ARHGEF10: variants seen among roughly 807,000 people sequenced by gnomAD.
ARHGEF10 encodes Rho guanine nucleotide exchange factor (GEF) 10.
Under a neutral mutation model 147.4 loss-of-function variants are expected in ARHGEF10, and 140 were observed. The ratio of observed to expected loss-of-function variants is 0.95; its 90% CI spans 0.83 to 1.09. ARHGEF10 has a LOEUF of 1.09. Ranked by LOEUF, ARHGEF10 falls within the 50% of genes least tolerant of loss-of-function variation. The pLI is 0.00. For missense variants in ARHGEF10, 2,222 were observed against 1,752.7 expected (o/e 1.27, Z -4.78); for synonymous variants, 902 against 695.8 (o/e 1.30, Z -4.67).
At chr8:1,883,278 A>G (rs1025337450) in intron 10 of ARHGEF10, among the ~76,000 whole-genome samples, 6 of 152,060 alleles carry the variant, frequency 3.9e-5, no homozygotes, top group Admixed American at 1.3e-4. Flanking sequence ...GGCGGCAACA[A>G]GCAGCAGGCT....
intron 3 of ARHGEF10, among the ~76,000 whole-genome samples, chr8:1,859,539 GTTTC>G (rs1262579474): frequency 2.6e-5 from 4 of 152,114 alleles, no homozygotes; most frequent in Non-Finnish European, 4.4e-5. Flanking sequence ...TTTGCATGGC[GTTTC>G]TTTGTGCACA....
In ARHGEF10 at chr8:1,839,916, GT is replaced by G. The variant is rs544405766; in HGVS notation, c.-47-3436del. Among the ~76,000 whole-genome samples the G allele has an allele frequency of 1.6e-3, 245 of 149,650 alleles. 4 individuals are homozygous for G. Among genetic ancestry groups the G allele is most frequent in the African/African-American group, 5.9e-3 (235 of 40,098 alleles). On this transcript the variant is annotated intron_variant, in intron 1 of 28. Coordinates refer to ENST00000349830, the MANE Select transcript of ARHGEF10 (RefSeq NM_014629.4). ...GTGGGGACTGTCCGGTGTGGGGACT[GT>G]CCGGTGTGGGGACTGTCTGGTGTGG...
At chr8:1,899,196 G>A (rs1331896151) in intron 15 of ARHGEF10, among the ~76,000 whole-genome samples, 2 of 152,170 alleles carry the variant, frequency 1.3e-5, no homozygotes, top group Non-Finnish European at 2.9e-5. Context: ...GTGGTTGCCC[G>A]CTCGTTTTCC....
At chr8:1,890,132 AGTGGGGTGAGGGTTTGTGAGGAGACACT>A (rs1313865930) in intron 11 of ARHGEF10, among the ~76,000 whole-genome samples, 4 of 23,794 alleles carry the variant, frequency 1.7e-4, no homozygotes, top group African/African-American at 5.0e-4. Flanking sequence ...GAGAAAACGG[AGTGGGGTGAGGGTTTGTGAGGAGACACT>A]GAGTGGGGTG....
intron 11 of ARHGEF10, among the ~76,000 whole-genome samples, chr8:1,885,929 C>T (rs1808621800): frequency 6.6e-6 from 1 of 152,070 alleles, no homozygotes; most frequent in African/African-American, 2.4e-5. Flanking sequence ...GGACTCAGGC[C>T]CTTCTGGTCC....
intron 14 of ARHGEF10, among the ~76,000 whole-genome samples, chr8:1,896,911 C>T (rs1810022858): frequency 6.6e-6 from 1 of 152,206 alleles, no homozygotes; most frequent in Non-Finnish European, 1.5e-5. Context: ...GATGGCCTTC[C>T]TCAGGGGTCT....
chr8:1,880,425 T>C (rs1808089075), intron 9 of ARHGEF10, among the ~76,000 whole-genome samples: 1 of 152,258 alleles, frequency 6.6e-6, no homozygotes, highest in African/African-American at 2.4e-5. Flanking sequence ...CATCTGGCTG[T>C]CTACTAGAGA....
chr8:1,892,899 C>T (rs1045766853), intron 11 of ARHGEF10, among the ~76,000 whole-genome samples: 3 of 152,092 alleles, frequency 2.0e-5, no homozygotes, highest in Non-Finnish European at 2.9e-5. Context: ...AGGCCTTTCA[C>T]GGGATCTTAC....
chr8:1,943,848 A>C (rs1814305532), intron 26 of ARHGEF10: 1 of 135,468 alleles, frequency 7.4e-6, no homozygotes, highest in South Asian at 2.7e-4. Flanking sequence ...TTTTATGAGG[A>C]AACTACGGGC....
intron 15 of ARHGEF10, among the ~76,000 whole-genome samples, chr8:1,899,940 C>T (rs950433706): frequency 1.3e-4 from 20 of 152,116 alleles, no homozygotes; most frequent in African/African-American, 3.4e-4. Context: ...ACCATACGGG[C>T]GGGTGAACCA....
intron 6 of ARHGEF10, 43 bp downstream of exon 6, chr8:1,866,645 C>A: frequency 6.3e-7 from 1 of 1,574,808 alleles, no homozygotes; most frequent in Non-Finnish European, 8.6e-7. Context: ...TCACCACGCT[C>A]CACAGACGTC....
intron 7 of ARHGEF10, chr8:1,869,892 T>G (rs1178718803): frequency 1.2e-5 from 2 of 160,242 alleles, no homozygotes; most frequent in Non-Finnish European, 2.8e-5. Context: ...TCCAGCAAAG[T>G]ACAGTCCTTT....
At chr8:1,908,950 A>G (rs868381863) in intron 17 of ARHGEF10, among the ~76,000 whole-genome samples, 5 of 152,240 alleles carry the variant, frequency 3.3e-5, no homozygotes, top group African/African-American at 4.8e-5. Context: ...GAATATCTCT[A>G]TCCACATAGG....
intron 7 of ARHGEF10, among the ~76,000 whole-genome samples, chr8:1,874,464 G>A (rs2129105216): frequency 6.6e-6 from 1 of 152,324 alleles, no homozygotes; most frequent in East Asian, 1.9e-4. Flanking sequence ...GGTGAAAAAG[G>A]TAACATGTGT....
intron 7 of ARHGEF10, among the ~76,000 whole-genome samples, chr8:1,873,943 C>T (rs898927947): frequency 5.3e-5 from 8 of 152,064 alleles, no homozygotes; most frequent in Non-Finnish European, 8.8e-5. Context: ...GCATTAGGTA[C>T]GCTCACTGTA....
At chr8:1,901,987 AT>A (rs5888899) in intron 15 of ARHGEF10, among the ~76,000 whole-genome samples, 2 of 151,398 alleles carry the variant, frequency 1.3e-5, no homozygotes, top group Non-Finnish European at 2.9e-5. Context: ...GCAGAACCAC[AT>A]TTTTTTTTCT....
intron 6 of ARHGEF10, among the ~76,000 whole-genome samples, chr8:1,867,886 G>C (rs1343164576): frequency 1.3e-5 from 2 of 152,148 alleles, no homozygotes; most frequent in African/African-American, 4.8e-5. Flanking sequence ...TTATGACGTT[G>C]TTAAAACAAA....
intron 24 of ARHGEF10, among the ~76,000 whole-genome samples, chr8:1,929,006 G>A (rs1415622097): frequency 6.6e-6 from 1 of 152,188 alleles, no homozygotes; most frequent in Non-Finnish European, 1.5e-5. Context: ...CTGAATTGCT[G>A]ACACCATTTA....
At chr8:1,933,616 A>G (rs1042704095) in intron 25 of ARHGEF10, among the ~76,000 whole-genome samples, 184 bp from the exon 26 acceptor site, 1 of 151,948 alleles carries the variant, frequency 6.6e-6, no homozygotes, top group Non-Finnish European at 1.5e-5. Context: ...CCGACTGTGC[A>G]CCATGGCCCA....
Sources: allele counts gnomAD v4.1 joint callset (sites outside exome capture counted in the v4.1 genomes callset), GRCh38; gene constraint gnomAD v4.1.1; transcripts MANE v1.5; gene names NCBI Gene and HGNC (gene_info 2026-07-23, HGNC 2026-07-21).